MEGF11: variants seen among roughly 807,000 people sequenced by gnomAD.
MEGF11 encodes the protein multiple EGF like domains 11, also known as multiple epidermal growth factor-like domains protein 11.
MEGF11 carries 126 observed loss-of-function variants against 146.6 expected under a neutral mutation model. That is an observed-to-expected ratio of 0.86 (90% confidence interval 0.74 to 1.00). The LOEUF is 1.00. Ranked by LOEUF, MEGF11 falls within the 50% of genes least tolerant of loss-of-function variation. MEGF11 has a pLI of 0.00. For synonymous variants in MEGF11, 532 were observed against 583.4 expected (o/e 0.91, Z 1.27); for missense variants, 1,509 against 1,521.2 (o/e 0.99, Z 0.13).
In MEGF11 at chr15:65,992,223, A is replaced by C. The variant is rs201025743; in HGVS notation, c.395-9735T>G. ...CCAGGCAGCCAGGTCCATTTCAACC[A>C]GGAGTATCACCATCAACATTTCAGG... is the stretch of plus-strand genomic sequence containing the variant. On this transcript the variant is annotated intron_variant, in intron 5 of 25. Transcript: ENST00000395614. Among the ~76,000 whole-genome samples, 6 of 152,270 alleles carry C rather than the reference A, an allele frequency of 3.9e-5. No homozygotes were observed. The East Asian group carries it at 1.2e-3, about 29-fold the overall frequency.
chr15:66,058,650 C>T (rs2084777162), intron 5 of MEGF11, among the ~76,000 whole-genome samples: 1 of 152,110 alleles, frequency 6.6e-6, no homozygotes, highest in Non-Finnish European at 1.5e-5. Flanking sequence ...ATAAAGTTGC[C>T]TCTGGGTGCC....
intron 1 of MEGF11, among the ~76,000 whole-genome samples, chr15:66,177,335 C>T (rs1478740728): frequency 6.6e-6 from 1 of 152,136 alleles, no homozygotes; most frequent in Non-Finnish European, 1.5e-5. Context: ...GAAAACTTAC[C>T]ATAAGTCAAG....
chr15:66,166,845 G>A (rs1465187189), intron 1 of MEGF11, among the ~76,000 whole-genome samples: 1 of 152,058 alleles, frequency 6.6e-6, no homozygotes, highest in East Asian at 1.9e-4. Flanking sequence ...AGCAATCCTG[G>A]ATAAATAAAT....
rs370015708 is a variant in MEGF11, at chr15:66,075,921, C to G, written c.394+18481G>C. On this transcript the variant is annotated intron_variant, in intron 5 of 25. Coordinates refer to ENST00000395614, the MANE Select transcript of MEGF11 (RefSeq NM_001385028.1). ...AAGAGGAACAAGAGCTTCTGTGACTCAAAGGTCACTTGCCTGGGCTGAAAG... is the reference window on the plus strand; with the variant it reads ...AAGAGGAACAAGAGCTTCTGTGACTGAAAGGTCACTTGCCTGGGCTGAAAG... Among the ~76,000 whole-genome samples, 5 of 152,284 alleles carry G rather than the reference C, an allele frequency of 3.3e-5. No homozygotes were observed. The East Asian group carries it at 5.8e-4, about 18-fold the overall frequency.
intron 10 of MEGF11, among the ~76,000 whole-genome samples, chr15:65,939,161 G>A (rs1052199730): frequency 2.6e-5 from 4 of 152,218 alleles, no homozygotes; most frequent in African/African-American, 9.6e-5. Context: ...TCTAGATACA[G>A]GCCAAGGTGG....
At chr15:66,211,285 A>G (rs1033360079) in intron 1 of MEGF11, among the ~76,000 whole-genome samples, 1 of 152,192 alleles carries the variant, frequency 6.6e-6, no homozygotes, top group East Asian at 1.9e-4. Context: ...GCACTTTGGG[A>G]GGCCAAGGTG....
At chr15:66,242,491 TAGGGAGGGAGGGAGGGA>T (rs1214715578) in intron 1 of MEGF11, among the ~76,000 whole-genome samples, 7 of 50,572 alleles carry the variant, frequency 1.4e-4, no homozygotes, top group African/African-American at 4.6e-4. Flanking sequence ...GGGAGGGAGA[TAGGGAGGGAGGGAGGGA>T]AGGGAGGGAG....
At chr15:65,981,289 G>A (rs1027432619) in intron 6 of MEGF11, among the ~76,000 whole-genome samples, 14 of 152,198 alleles carry the variant, frequency 9.2e-5, no homozygotes, top group Admixed American at 7.2e-4. Flanking sequence ...ACTGAGAAGT[G>A]CTCATGGATC....
chr15:65,938,453 TGAG>T (rs1200313677), intron 10 of MEGF11, among the ~76,000 whole-genome samples: 1 of 152,188 alleles, frequency 6.6e-6, no homozygotes, highest in Non-Finnish European at 1.5e-5. Context: ...GCCCTGATCT[TGAG>T]GGAGTACCAC....
At chr15:66,110,811 A>G (rs1279729663) in intron 4 of MEGF11, among the ~76,000 whole-genome samples, 1 of 152,126 alleles carries the variant, frequency 6.6e-6, no homozygotes, top group Non-Finnish European at 1.5e-5. Flanking sequence ...AGGCCCCACC[A>G]TGCTGCTTAC....
In MEGF11 at chr15:66,177,042, C is replaced by T. The variant is rs553339733; in HGVS notation, c.-8-48631G>A. On this transcript the variant is annotated intron_variant, in intron 1 of 25. Coordinates refer to ENST00000395614, the MANE Select transcript of MEGF11 (RefSeq NM_001385028.1). ...TCAAGGATACTACACCTTGGGTGGG[C>T]GTAGAGGAGAAAGAGTCAGAGAACA... Among the ~76,000 whole-genome samples the T allele has an allele frequency of 1.0e-3, 155 of 152,246 alleles. 1 individual carries two copies. The highest frequency in any genetic ancestry group is 3.5e-3 in the African/African-American group (145 of 41,532).
intron 1 of MEGF11, among the ~76,000 whole-genome samples, chr15:66,242,028 A>G (rs2092220716): frequency 6.6e-6 from 1 of 152,258 alleles, no homozygotes; most frequent in South Asian, 2.1e-4. Context: ...TGGAAAAGAA[A>G]GAAATTTAGA....
rs143253272 is a variant in MEGF11, at chr15:66,138,954, G to A, written c.-8-10543C>T. On this transcript the variant is annotated intron_variant, in intron 1 of 25. Coordinates refer to ENST00000395614, the MANE Select transcript of MEGF11 (RefSeq NM_001385028.1). ...ATATTAGGGTCCTGGGCCTGATAAG[G>A]ACTGCCTCCCGGGGGTGGGGCAAGT... 1.5e-3 allele frequency among the ~76,000 whole-genome samples: 235 copies of A among 152,250 alleles called. 1 individual carries two copies. Among genetic ancestry groups the A allele is most frequent in the African/African-American group, 5.2e-3 (218 of 41,548 alleles).
At chr15:65,957,878 C>A (rs1490481428) in intron 9 of MEGF11, among the ~76,000 whole-genome samples, 157 bp from the exon 10 acceptor site, 1 of 152,158 alleles carries the variant, frequency 6.6e-6, no homozygotes, top group African/African-American at 2.4e-5. Context: ...TCAGAAGATG[C>A]CAAGGCCACA....
intron 1 of MEGF11, among the ~76,000 whole-genome samples, chr15:66,139,534 A>C (rs954801739): frequency 6.6e-6 from 1 of 152,200 alleles, no homozygotes; most frequent in Non-Finnish European, 1.5e-5. Flanking sequence ...AAGGTCTGAA[A>C]AGAAATGCCC....
intron 5 of MEGF11, among the ~76,000 whole-genome samples, chr15:66,042,182 C>G (rs1284993451): frequency 2.0e-5 from 3 of 151,624 alleles, no homozygotes; most frequent in African/African-American, 4.9e-5. Flanking sequence ...GTGATCTCAG[C>G]TCACTGCAAA....
intron 5 of MEGF11, among the ~76,000 whole-genome samples, chr15:66,091,117 G>A (rs2086302291): frequency 6.6e-6 from 1 of 151,924 alleles, no homozygotes; most frequent in African/African-American, 2.4e-5. Context: ...TCTCTGAAAG[G>A]GTGTCACACA....
intron 1 of MEGF11, 102 bp from the exon 2 acceptor site, chr15:66,128,513 A>G: frequency 3.4e-6 from 2 of 582,194 alleles, no homozygotes; most frequent in South Asian, 4.2e-5. Context: ...GATATTTCAC[A>G]TTGCAGGCTT....
At chr15:66,208,709 C>A (rs2091363338) in intron 1 of MEGF11, among the ~76,000 whole-genome samples, 1 of 151,954 alleles carries the variant, frequency 6.6e-6, no homozygotes. Context: ...TGGCGAAACC[C>A]CGTCTCTACT....
Sources: allele counts gnomAD v4.1 joint callset (sites outside exome capture counted in the v4.1 genomes callset), GRCh38; gene constraint gnomAD v4.1.1; transcripts MANE v1.5; gene names NCBI Gene and HGNC (gene_info 2026-07-23, HGNC 2026-07-21).